COL23A1: variants seen among roughly 807,000 people sequenced by gnomAD.
The protein encoded by COL23A1 is collagen alpha-1(XXIII) chain.
A neutral mutation model predicts 99.3 loss-of-function variants in COL23A1; 97 were observed. That is an observed-to-expected ratio of 0.98 (90% confidence interval 0.83 to 1.16). The LOEUF is 1.16. Ranked by LOEUF, COL23A1 falls within the 50% of genes most tolerant of loss-of-function variation. The pLI is 0.00. For missense variants in COL23A1, 762 were observed against 757.4 expected, an observed-to-expected ratio of 1.01 and a Z score of -0.07; for synonymous variants, 320 against 308.2, an observed-to-expected ratio of 1.04 and a Z score of -0.40.
At chr5:178,238,774 G>C in intron 28 of COL23A1, 74 bp from the exon 29 acceptor site, 2 of 1,595,112 alleles carry the variant, frequency 1.3e-6, no homozygotes, top group Non-Finnish European at 1.7e-6. Context: ...CACCTTGCCT[G>C]GCCTCCCCGG....
At chr5:178,258,236 A>AATATATATATATATATATATATAT (rs70994992) in intron 12 of COL23A1, among the ~76,000 whole-genome samples, 40 of 71,908 alleles carry the variant, frequency 5.6e-4, no homozygotes, top group African/African-American at 1.5e-3. Context: ...CCTGTCTTAA[A>AATATATATATATATATATATATAT]ATATATATAT....
chr5:178,544,312 C>CTGGA lies in COL23A1; in HGVS notation c.361+16366_361+16369dup, dbSNP rs1761459823. Among the ~76,000 whole-genome samples, 1 of 152,188 alleles carries CTGGA rather than the reference C, an allele frequency of 6.6e-6. No individual in the cohort carries two copies. Among genetic ancestry groups the CTGGA allele is most frequent in the South Asian group, 2.1e-4 (1 of 4,826 alleles). ...TACAGAGCCCCCAGCCCAGCCCCTG[C>CTGGA]TGGAGCTCCTGGATCCCAAGGCGGG... On this transcript the variant is annotated intron_variant, in intron 2 of 28. Coordinates refer to ENST00000390654, the MANE Select transcript of COL23A1 (RefSeq NM_173465.4). The surrounding 1 kb of genome is among the most constrained non-coding windows in gnomAD (Gnocchi z 4.4).
At chr5:178,359,806 A>T (rs1762081095) in intron 2 of COL23A1, among the ~76,000 whole-genome samples, 1 of 152,226 alleles carries the variant, frequency 6.6e-6, no homozygotes, top group Non-Finnish European at 1.5e-5. Context: ...GAAACTCAGA[A>T]ATAGCCTATT....
rs1288482064 is a variant in COL23A1 at position 178,255,693 on chromosome 5, C to A, written c.882+660G>T. The A allele has an allele frequency of 1.4e-5, 3 of 210,864 alleles. No homozygotes were observed. Among genetic ancestry groups the A allele is most frequent in the Non-Finnish European group, 3.1e-5 (3 of 97,796 alleles). 13.1% of individuals were successfully genotyped at this position (210,864 alleles called of 1,614,324 possible). A position where few individuals can be genotyped will look rare whatever the true frequency, so the allele number is the denominator to read the frequency against. On this transcript the variant is annotated intron_variant, in intron 15 of 28. Transcript: ENST00000390654. The surrounding 1 kb of genome is among the most constrained non-coding windows in gnomAD (Gnocchi z 4.2). ...AGGCTGGAGACCCTTGCTTGGGCCT[C>A]ATTTGCCAGCCCTCCCCCGTCCCCA... is the stretch of plus-strand genomic sequence containing the variant.
chr5:178,582,432 G>A (rs1166802444), intron 1 of COL23A1, among the ~76,000 whole-genome samples: 1 of 152,156 alleles, frequency 6.6e-6, no homozygotes, highest in Non-Finnish European at 1.5e-5. Flanking sequence ...CTGCCCCAGG[G>A]AGGGACTCAG....
At chr5:178,426,245 A>G (rs1765927622) in intron 2 of COL23A1, among the ~76,000 whole-genome samples, 1 of 152,246 alleles carries the variant, frequency 6.6e-6, no homozygotes, top group Non-Finnish European at 1.5e-5. Flanking sequence ...TCAACCCAAG[A>G]GAATTCTCCG....
At chr5:178,551,962 C>T (rs1219532144) in intron 2 of COL23A1, among the ~76,000 whole-genome samples, 2 of 152,144 alleles carry the variant, frequency 1.3e-5, no homozygotes, top group Admixed American at 6.5e-5. Flanking sequence ...CACCGGTGCT[C>T]GGAGCTCCCC....
At chr5:178,301,564 C>T (rs1035199407) in intron 3 of COL23A1, among the ~76,000 whole-genome samples, 2 of 152,258 alleles carry the variant, frequency 1.3e-5, no homozygotes, top group Non-Finnish European at 2.9e-5. Context: ...GATCCCTCTT[C>T]TCCTTTCCAG....
At position 178,365,127 on chromosome 5, in the gene COL23A1, CTGTGTGTGCGTGTGTGTG is replaced by C. The variant is rs1488257703; in HGVS notation, c.362-58226_362-58209del. Among the ~76,000 whole-genome samples, 1 of 120,398 alleles carries C rather than the reference CTGTGTGTGCGTGTGTGTG, an allele frequency of 8.3e-6. No homozygotes were observed. The highest frequency in any genetic ancestry group is 9.9e-5 in the Admixed American group (1 of 10,088). The allele number at this position is 120,398 out of a possible 152,430, so 79.0% of individuals were successfully genotyped here. Reference sequence around the variant, plus strand: ...CTTTGGGGTGGGCTTTATGATGTTGCTGTGTGTGCGTGTGTGTGTGTGTGTGTGTGTGTGTGTGTGTGT... The same window carrying C: ...CTTTGGGGTGGGCTTTATGATGTTGCTGTGTGTGTGTGTGTGTGTGTGTGT... On this transcript the variant is annotated intron_variant, in intron 2 of 28. Coordinates refer to ENST00000390654, the MANE Select transcript of COL23A1 (RefSeq NM_173465.4). The surrounding 1 kb of genome is among the most constrained non-coding windows in gnomAD (Gnocchi z 5.2).
chr5:178,238,854 GGGGGCACTGAT>G (rs2127518953), intron 28 of COL23A1, among the ~76,000 whole-genome samples, 154 bp from the exon 29 acceptor site: 1 of 152,206 alleles, frequency 6.6e-6, no homozygotes, highest in Admixed American at 6.5e-5. Context: ...CAATATCCCA[GGGGGCACTGAT>G]GGCTTTGCCC....
At chr5:178,465,851 T>C (rs1043745211) in intron 2 of COL23A1, among the ~76,000 whole-genome samples, 1 of 151,968 alleles carries the variant, frequency 6.6e-6, no homozygotes, top group African/African-American at 2.4e-5. Context: ...AGATGTGGGG[T>C]GGTCAGTACC....
Position 178,250,041 on chromosome 5 carries a change from G to A in COL23A1, c.1059+20C>T, listed in dbSNP as rs1358878963. On this transcript the variant is annotated intron_variant, in intron 18 of 28. Transcript: ENST00000390654. The stretch of plus-strand genomic sequence containing the variant: ...AATACCAGGCACTGGCATCACCAAG[G>A]AAATGAAAGGCCCAGAGACCTTCTC... 5.0e-6 allele frequency: 8 copies of A among 1,613,832 alleles called. No individual in the cohort carries two copies. Among genetic ancestry groups the A allele is most frequent in the Non-Finnish European group, 5.9e-6 (7 of 1,179,878 alleles).
At chr5:178,394,983 C>T (rs13162581) in intron 2 of COL23A1, among the ~76,000 whole-genome samples, 300 of 2,366 alleles carry the variant, frequency 0.13, 36 homozygotes, top group South Asian at 0.36. Flanking sequence ...CGGCCCCGGC[C>T]GTCCTCCGAG....
chr5:178,466,541 G>A (rs971055583), intron 2 of COL23A1, among the ~76,000 whole-genome samples: 1 of 152,136 alleles, frequency 6.6e-6, no homozygotes. Flanking sequence ...AACAGGATGT[G>A]AGGCAGCACC....
chr5:178,446,393 A>G (rs914316170), intron 2 of COL23A1, among the ~76,000 whole-genome samples: 2 of 152,094 alleles, frequency 1.3e-5, no homozygotes, highest in African/African-American at 4.8e-5. Context: ...ATATATACAT[A>G]TTTTTAAAAA....
chr5:178,401,156 G>A (rs1177381982), intron 2 of COL23A1, among the ~76,000 whole-genome samples: 2 of 152,236 alleles, frequency 1.3e-5, no homozygotes, highest in Middle Eastern at 3.4e-3. Flanking sequence ...CTCAAGATTC[G>A]TCCACTTTGT....
chr5:178,271,554 C>T (rs1756287712), intron 5 of COL23A1, among the ~76,000 whole-genome samples: 1 of 152,202 alleles, frequency 6.6e-6, no homozygotes, highest in African/African-American at 2.4e-5. Flanking sequence ...AACTCTTCCC[C>T]TGTAGAGTCA....
At chr5:178,512,167 T>C (rs948321979) in intron 2 of COL23A1, among the ~76,000 whole-genome samples, 7 of 152,354 alleles carry the variant, frequency 4.6e-5, no homozygotes, top group African/African-American at 1.7e-4. Context: ...AGCCTAAGCG[T>C]CCACCTGTAG....
rs80258733 is a variant in COL23A1, at chr5:178,281,650, C to T, written c.441+6674G>A. Among the ~76,000 whole-genome samples the T allele has an allele frequency of 0.01, 1,534 of 152,294 alleles. 29 individuals are homozygous for T. The highest frequency in any genetic ancestry group is 0.035 in the African/African-American group (1,467 of 41,556). ...GGCTTCACCAGCAAATTAGTGCAACCGCCTCCTACCCGCACCCCTTCCTCC... is the reference window on the plus strand; with the variant it reads ...GGCTTCACCAGCAAATTAGTGCAACTGCCTCCTACCCGCACCCCTTCCTCC... On this transcript the variant is annotated intron_variant, in intron 5 of 28. Transcript: ENST00000390654. The surrounding 1 kb of genome is among the most constrained non-coding windows in gnomAD (Gnocchi z 4.0).
Sources: gnomAD v4.1 joint callset for allele counts (sites outside exome capture counted in the v4.1 genomes callset) on GRCh38, gnomAD v4.1.1 for gene constraint, Gnocchi (gnomAD v3.1) non-coding constraint, MANE v1.5 for transcripts, NCBI Gene and HGNC (gene_info 2026-07-23, HGNC 2026-07-21) for gene names.